SPTBN5: variants seen among roughly 807,000 people sequenced by gnomAD.
The protein encoded by SPTBN5 is spectrin beta chain, non-erythrocytic 5.
In SPTBN5, 513 loss-of-function variants were observed where a neutral mutation model predicts 477.6. The observed-to-expected ratio is 1.07, with a 90% CI of 1.00 to 1.16. SPTBN5 has a LOEUF of 1.16. SPTBN5 is among the 50% of genes most tolerant of loss of function. The pLI is 0.00. For missense variants in SPTBN5, 5,062 were observed against 4,731.8 expected, an observed-to-expected ratio of 1.07 and a Z score of -2.05; for synonymous variants, 2,169 against 2,011.7, an observed-to-expected ratio of 1.08 and a Z score of -2.09.
intron 39 of SPTBN5, among the ~76,000 whole-genome samples, chr15:41,864,939 G>C (rs1324574046): frequency 2.0e-5 from 3 of 152,262 alleles, no homozygotes; most frequent in African/African-American, 7.2e-5. Context: ...CCGGAGCAGA[G>C]CTCAGAGGCT....
intron 49 of SPTBN5, 49 bp downstream of exon 49, chr15:41,858,553 G>T (rs763286957): frequency 6.3e-7 from 1 of 1,585,054 alleles, no homozygotes; most frequent in Non-Finnish European, 8.6e-7. Flanking sequence ...ACTGTCCTGT[G>T]TTCTGCCTGG....
At position 41,867,556 on chromosome 15, in the gene SPTBN5, C is replaced by T. The variant is rs765639746; in HGVS notation, c.6294G>A (p.Leu2098=). The change falls in exon 35 of 68, where the codon CTG becomes CTA. Residue 2098 remains leucine, a synonymous_variant. Coordinates refer to ENST00000320955, the MANE Select transcript of SPTBN5 (RefSeq NM_016642.4). ...CCATTACCTTCTTGTCCTGGGCAGT[C>T]AGAACCTTCAGGAAGACCTCGTGCT... The part of the protein sequence containing the change: ...IRKHEVFLKV[L]TAQDKKEAAL... 11 of 1,613,862 alleles carry T rather than the reference C, an allele frequency of 6.8e-6. No individual in the cohort carries two copies. The highest frequency in any genetic ancestry group is 9.3e-6 in the Non-Finnish European group (11 of 1,179,896).
Position 41,852,741 on chromosome 15 carries a change from G to A in SPTBN5, c.10348-6C>T, listed in dbSNP as rs752865098. 32 of 1,608,342 alleles carry A rather than the reference G, an allele frequency of 2.0e-5. No individual in the cohort carries two copies. Among genetic ancestry groups the A allele is most frequent in the Non-Finnish European group, 2.6e-5 (30 of 1,176,276 alleles). On this transcript the variant is annotated splice_polypyrimidine_tract_variant and splice_region_variant and intron_variant, in intron 60 of 67. Transcript: ENST00000320955. ...TCCACATCTGACACTGAGTGCTGGG[G>A]AGAAGCATGTTCAGGTGACGCCCAG...
chr15:41,878,469 G>T lies in SPTBN5; in HGVS notation c.3343C>A (p.Leu1115Ile), dbSNP rs372106719. 4.3e-6 allele frequency: 7 copies of T among 1,613,570 alleles called. No homozygotes were observed. The highest frequency in any genetic ancestry group is 4.5e-5 in the East Asian group (2 of 44,866). The change falls in exon 17 of 68, where the codon CTA (leucine) becomes ATA (isoleucine). Residue 1115 changes from leucine to isoleucine, a missense_variant. By Grantham distance (5) the Leu-to-Ile change is conservative. Coordinates refer to ENST00000320955, the MANE Select transcript of SPTBN5 (RefSeq NM_016642.4). ...QSFLQESQQLLLWAESVQAQL... is the reference protein window; with the variant it reads ...QSFLQESQQLILWAESVQAQL... ...GCCTGGACACTCTCTGCCCACAGTA[G>T]CAGTTGCTGGCTCTCTTGCAGGAAG... is the stretch of plus-strand genomic sequence containing the variant.
intron 66 of SPTBN5, 140 bp downstream of exon 66, chr15:41,850,714 G>A (rs8025614): frequency 0.53 from 406,791 of 770,680 alleles, 109,161 homozygotes; most frequent in African/African-American, 0.58. Flanking sequence ...ATTCTTTGAG[G>A]AAAAACAGTA....
chr15:41,872,381 C>T lies in SPTBN5; in HGVS notation c.5086G>A (p.Glu1696Lys), dbSNP rs759651408. The part of the protein sequence containing the change: ...DQTAQTLTGP[E>K]VPEQQRVVQE... ...ACCACACGCTGCTGCTCAGGGACTT[C>T]GGGGCCAGTGAGGGTTTGGGCCGTC... Residue 1696 changes from glutamate (E) to lysine (K), a missense_variant, in exon 27 of 68, where the codon GAA (glutamate) becomes AAA (lysine). Transcript: ENST00000320955. The T allele has an allele frequency of 2.5e-5, 40 of 1,609,414 alleles. No individual in the cohort carries two copies. Among genetic ancestry groups the T allele is most frequent in the Admixed American group, 5.0e-5 (3 of 59,502 alleles).
chr15:41,871,660 C>A, intron 28 of SPTBN5, 122 bp downstream of exon 28: 1 of 1,410,282 alleles, frequency 7.1e-7, no homozygotes, highest in Non-Finnish European at 9.4e-7. Flanking sequence ...CTGAGGAGGC[C>A]CCACCTCAGC....
In SPTBN5 at chr15:41,853,457, A is replaced by T; in HGVS notation, c.9981-10T>A. 3 of 1,562,460 alleles carry T rather than the reference A, an allele frequency of 1.9e-6. No individual in the cohort carries two copies. The highest frequency in any genetic ancestry group is 2.6e-6 in the Non-Finnish European group (3 of 1,146,620). ...CTCCTGTGCCCATGCTCTGTGGGGCAGGGAAGGGAGCTGTTGTCAGGGCTG... is the reference window on the plus strand; with the variant it reads ...CTCCTGTGCCCATGCTCTGTGGGGCTGGGAAGGGAGCTGTTGTCAGGGCTG... On this transcript the variant is annotated splice_polypyrimidine_tract_variant and intron_variant, in intron 58 of 67. Coordinates refer to ENST00000320955, the MANE Select transcript of SPTBN5 (RefSeq NM_016642.4).
rs1221512384 is a variant in SPTBN5 at position 41,863,814 on chromosome 15, C to A, written c.7039G>T (p.Ala2347Ser). The A allele has an allele frequency of 6.2e-7, 1 of 1,613,816 alleles. No homozygotes were observed. Among genetic ancestry groups the A allele is most frequent in the African/African-American group, 1.3e-5 (1 of 75,050 alleles). ...QRRSQLNNRW[A>S]SFHGNLLRYQ... ...CGGAGCAAGTTGCCATGGAAACTCG[C>A]CCACCTGGCCAAGGGGTGGTGGTGT... is the stretch of plus-strand genomic sequence containing the variant. Residue 2347 changes from alanine to serine, a missense_variant, in exon 41 of 68, where the codon GCG (alanine) becomes TCG (serine). Transcript: ENST00000320955.
Position 41,872,395 on chromosome 15 carries a change from G to A in SPTBN5, c.5072C>T (p.Thr1691Ile), listed in dbSNP as rs764947761. The change falls in exon 27 of 68, where the codon ACC (threonine) becomes ATC (isoleucine). Residue 1691 changes from threonine (T) to isoleucine (I), a missense_variant. Thr to Ile is a moderately conservative substitution (Grantham distance 89). Coordinates refer to ENST00000320955, the MANE Select transcript of SPTBN5 (RefSeq NM_016642.4). ...SMEELDQTAQ[T>I]LTGPEVPEQQ... ...CTCAGGGACTTCGGGGCCAGTGAGG[G>A]TTTGGGCCGTCTGGTCAAGCTCCTC... The A allele has an allele frequency of 1.2e-6, 2 of 1,604,616 alleles. No homozygotes were observed. The highest frequency in any genetic ancestry group is 8.5e-7 in the Non-Finnish European group (1 of 1,176,200).
intron 38 of SPTBN5, 53 bp downstream of exon 38, chr15:41,865,985 C>A (rs1459138569): frequency 1.3e-6 from 2 of 1,545,270 alleles, no homozygotes. Flanking sequence ...TCCCTCCTGT[C>A]AAGGGAGGGC....
At chr15:41,880,445 G>A in intron 13 of SPTBN5, 133 bp from the exon 14 acceptor site, 2 of 946,596 alleles carry the variant, frequency 2.1e-6, no homozygotes, top group Admixed American at 3.0e-5. Context: ...GGGGGTCCCT[G>A]CCTCACTGCT....
At chr15:41,853,547 T>G in intron 58 of SPTBN5, 35 bp downstream of exon 58, 4 of 1,552,108 alleles carry the variant, frequency 2.6e-6, no homozygotes, top group Non-Finnish European at 3.5e-6. Flanking sequence ...CCCCACAGGG[T>G]AGAGCTGAGC....
In SPTBN5 at chr15:41,892,946, C is replaced by T. The variant is rs760523951; in HGVS notation, c.332G>A (p.Arg111His). 1.8e-5 allele frequency: 29 copies of T among 1,608,434 alleles called. No individual in the cohort carries two copies. The highest frequency in any genetic ancestry group is 7.7e-5 in the South Asian group (7 of 91,052). Reference sequence around the variant, plus strand: ...GCTGCTGTTCTCCAGGAAGTGCACACGCAGGCGGCCCCGGCTCGGGGGTGG... The same window carrying T: ...GCTGCTGTTCTCCAGGAAGTGCACATGCAGGCGGCCCCGGCTCGGGGGTGG... ...ALPPPSRGRL[R>H]VHFLENSSRA... is the part of the protein sequence containing the mutation. The change falls in exon 3 of 68, where the codon CGT becomes CAT. Residue 111 changes from arginine to histidine, a missense_variant. Coordinates refer to ENST00000320955, the MANE Select transcript of SPTBN5 (RefSeq NM_016642.4).
rs764933431 is a variant in SPTBN5 at position 41,855,310 on chromosome 15, C to T, written c.9337G>A (p.Glu3113Lys). The T allele has an allele frequency of 1.2e-6, 2 of 1,610,676 alleles. No homozygotes were observed. Among genetic ancestry groups the T allele is most frequent in the Admixed American group, 3.3e-5 (2 of 59,998 alleles). ...AGCCAGGCGTCGAGGAGCAGGGTCT[C>T]TCGCTCCAGCTGGTGTAGCTGCAGC... ...EQLQLHQLER[E>K]TLLLDAWLTT... The change falls in exon 55 of 68, where the codon GAG becomes AAG. Residue 3113 changes from glutamate to lysine, a missense_variant. Coordinates refer to ENST00000320955, the MANE Select transcript of SPTBN5 (RefSeq NM_016642.4).
rs1243286231 is a variant in SPTBN5, at chr15:41,892,934, A to G, written c.344T>C (p.Leu115Pro). The G allele has an allele frequency of 6.2e-7, 1 of 1,607,772 alleles. No homozygotes were observed. The highest frequency in any genetic ancestry group is 1.3e-5 in the African/African-American group (1 of 75,056). Residue 115 changes from leucine (L) to proline (P), a missense_variant, in exon 3 of 68, where the codon CTG becomes CCG. By Grantham distance (98) the Leu-to-Pro change is moderately conservative. Transcript: ENST00000320955. Reference protein sequence around the residue: ...PSRGRLRVHFLENSSRALAFL... With the variant: ...PSRGRLRVHFPENSSRALAFL... Reference sequence around the variant, plus strand: ...GGCCAGAGCTCGGCTGCTGTTCTCCAGGAAGTGCACACGCAGGCGGCCCCG... The same window carrying G: ...GGCCAGAGCTCGGCTGCTGTTCTCCGGGAAGTGCACACGCAGGCGGCCCCG...
rs768530354 is a variant in SPTBN5 at position 41,885,943 on chromosome 15, G to A, written c.1312C>T (p.Arg438Trp). The change falls in exon 7 of 68, where the codon CGG becomes TGG. Residue 438 changes from arginine (R) to tryptophan (W), a missense_variant. Arg to Trp is a moderately radical substitution (Grantham distance 101, BLOSUM62 -3). Coordinates refer to ENST00000320955, the MANE Select transcript of SPTBN5 (RefSeq NM_016642.4). ...TCTGCATCCTTAAGGAAACTCTCCC[G>A]GAGGGCTGCCTTGTGCTGGAAGCGC... ...ARRFQHKAAL[R>W]ESFLKDAEQV... The A allele has an allele frequency of 3.6e-5, 56 of 1,571,090 alleles. No individual in the cohort carries two copies. Among genetic ancestry groups the A allele is most frequent in the Admixed American group, 2.6e-4 (14 of 53,684 alleles).
At chr15:41,873,719 G>A in intron 25 of SPTBN5, 111 bp from the exon 26 acceptor site, 5 of 1,471,636 alleles carry the variant, frequency 3.4e-6, no homozygotes, top group South Asian at 1.2e-5. Flanking sequence ...GTGCCCATAG[G>A]GGCACCCATC....
rs2280016 is a variant in SPTBN5, at chr15:41,885,924, T to C, written c.1331A>G (p.Asp444Gly). ...KAALRESFLK[D>G]AEQVLDQARA... is the part of the protein sequence containing the mutation. Reference sequence around the variant, plus strand: ...GGCCTGGTCTAGCACCTGCTCTGCATCCTTAAGGAAACTCTCCCGGAGGGC... The same window carrying C: ...GGCCTGGTCTAGCACCTGCTCTGCACCCTTAAGGAAACTCTCCCGGAGGGC... The change falls in exon 7 of 68, where the codon GAT (aspartate) becomes GGT (glycine). Residue 444 changes from aspartate to glycine, a missense_variant. Coordinates refer to ENST00000320955, the MANE Select transcript of SPTBN5 (RefSeq NM_016642.4). The C allele has an allele frequency of 0.052, 82,915 of 1,579,434 alleles. 2,804 individuals carry two copies. Among genetic ancestry groups the C allele is most frequent in the East Asian group, 0.18 (7,976 of 43,186 alleles).
Sources: allele counts gnomAD v4.1 joint callset (sites outside exome capture counted in the v4.1 genomes callset), GRCh38; gene constraint gnomAD v4.1.1; transcripts MANE v1.5; gene names NCBI Gene and HGNC (gene_info 2026-07-23, HGNC 2026-07-21).